The following SLC35F4 variants were observed in gnomAD, a reference collection of about 807,000 sequenced individuals.
SLC35F4 encodes solute carrier family 35 member F4, also known as chromosome 14 open reading frame 36.
In SLC35F4, 24 loss-of-function variants were observed where a neutral mutation model predicts 44.2. The ratio of observed to expected loss-of-function variants is 0.54; its 90% CI spans 0.39 to 0.76. The LOEUF is 0.76. Among genes scored for constraint, SLC35F4 ranks in the 30% least tolerant of loss-of-function variants. SLC35F4 has a pLI of 0.00. For synonymous variants in SLC35F4, 238 were observed against 223.6 expected (o/e 1.06, Z -0.57); for missense variants, 562 against 586.1 (o/e 0.96, Z 0.42).
intron 1 of SLC35F4, among the ~76,000 whole-genome samples, chr14:57,797,160 A>G (rs1217789845): frequency 6.6e-6 from 1 of 152,194 alleles, no homozygotes; most frequent in Non-Finnish European, 1.5e-5. Flanking sequence ...TAACCTTGAC[A>G]TTCAGAAGAT....
At chr14:57,918,143 T>C (rs1299852537) in intron 1 of SLC35F4, among the ~76,000 whole-genome samples, 1 of 152,224 alleles carries the variant, frequency 6.6e-6, no homozygotes, top group African/African-American at 2.4e-5. Context: ...GCTTTCCCTC[T>C]GCCTTTGCCA....
intron 1 of SLC35F4, among the ~76,000 whole-genome samples, chr14:57,957,555 C>T (rs1180881074): frequency 1.3e-5 from 2 of 152,118 alleles, no homozygotes; most frequent in Non-Finnish European, 2.9e-5. Flanking sequence ...CATTTGTAGA[C>T]ATGTAAGGAG....
intron 1 of SLC35F4, among the ~76,000 whole-genome samples, chr14:57,619,343 G>A (rs753407164): frequency 1.3e-5 from 2 of 152,158 alleles, no homozygotes; most frequent in Non-Finnish European, 2.9e-5. Context: ...CTAGAGAAAG[G>A]AACAGGCAGC....
At chr14:57,893,053 A>T (rs538331603) in intron 1 of SLC35F4, among the ~76,000 whole-genome samples, 2 of 152,302 alleles carry the variant, frequency 1.3e-5, no homozygotes, top group Non-Finnish European at 2.9e-5. Flanking sequence ...AAAAATAGTT[A>T]TGGCTCTAAA....
chr14:57,791,372 T>C (rs2077914702), intron 1 of SLC35F4, among the ~76,000 whole-genome samples: 1 of 152,108 alleles, frequency 6.6e-6, no homozygotes, highest in South Asian at 2.1e-4. Context: ...AACAAACATG[T>C]GAAAGAAAAC....
chr14:57,910,531 T>C (rs1889197483), intron 1 of SLC35F4, among the ~76,000 whole-genome samples: 1 of 152,100 alleles, frequency 6.6e-6, no homozygotes, highest in African/African-American at 2.4e-5. Flanking sequence ...TGTCCTGTTG[T>C]TCTAGAATCT....
At chr14:57,943,654 G>A (rs1889955556) in intron 1 of SLC35F4, among the ~76,000 whole-genome samples, 1 of 152,198 alleles carries the variant, frequency 6.6e-6, no homozygotes, top group Non-Finnish European at 1.5e-5. Flanking sequence ...ACAACCCAGA[G>A]GTAGACTTCC....
At chr14:57,644,321 G>C (rs1208609938) in intron 1 of SLC35F4, among the ~76,000 whole-genome samples, 1 of 152,178 alleles carries the variant, frequency 6.6e-6, no homozygotes, top group Non-Finnish European at 1.5e-5. Context: ...TAACTAGTGT[G>C]AGATGGTATC....
intron 1 of SLC35F4, among the ~76,000 whole-genome samples, chr14:57,678,704 A>AG (rs2074787428): frequency 6.6e-6 from 1 of 151,928 alleles, no homozygotes; most frequent in Admixed American, 6.6e-5. Flanking sequence ...AGAAAAAAAA[A>AG]AAGAAAGCAG....
At chr14:57,685,354 A>C (rs906405012) in intron 1 of SLC35F4, among the ~76,000 whole-genome samples, 1 of 152,062 alleles carries the variant, frequency 6.6e-6, no homozygotes, top group Non-Finnish European at 1.5e-5. Flanking sequence ...GTAGACTCCA[A>C]ATTTATTTAG....
chr14:57,799,166 G>A (rs1031519293), intron 1 of SLC35F4, among the ~76,000 whole-genome samples: 1 of 152,174 alleles, frequency 6.6e-6, no homozygotes, highest in Non-Finnish European at 1.5e-5. Flanking sequence ...ACAAAGAAAA[G>A]CAGGGACGGA....
At chr14:57,695,779 C>A (rs2075366248) in intron 1 of SLC35F4, among the ~76,000 whole-genome samples, 1 of 152,118 alleles carries the variant, frequency 6.6e-6, no homozygotes, top group Admixed American at 6.5e-5. Flanking sequence ...CCTAAATATC[C>A]AACAATGATA....
chr14:57,689,987 C>T (rs1316585431), intron 1 of SLC35F4, among the ~76,000 whole-genome samples: 4 of 152,074 alleles, frequency 2.6e-5, no homozygotes, highest in African/African-American at 7.2e-5. Flanking sequence ...TTTTCTTTTC[C>T]TCGAACAAAT....
intron 1 of SLC35F4, among the ~76,000 whole-genome samples, chr14:57,741,974 C>T (rs556005442): frequency 5.1e-4 from 78 of 152,168 alleles, no homozygotes; most frequent in African/African-American, 1.8e-3. Context: ...GGCCAAACTA[C>T]GCTTCATAAG....
chr14:57,582,342 C>T (rs758271744), intron 3 of SLC35F4, among the ~76,000 whole-genome samples: 4 of 152,192 alleles, frequency 2.6e-5, no homozygotes, highest in East Asian at 1.9e-4. Flanking sequence ...ACTACAGGCA[C>T]GCACCACCAT....
chr14:57,835,771 A>G (rs776794684), intron 1 of SLC35F4, among the ~76,000 whole-genome samples: 3 of 152,210 alleles, frequency 2.0e-5, no homozygotes, highest in Non-Finnish European at 4.4e-5. Context: ...CAGCCTCGCT[A>G]GTCTGTCAAA....
At chr14:57,927,917 CTT>C (rs1216897452) in intron 1 of SLC35F4, among the ~76,000 whole-genome samples, 1 of 152,100 alleles carries the variant, frequency 6.6e-6, no homozygotes, top group East Asian at 1.9e-4. Flanking sequence ...TTTCAGAACT[CTT>C]TGTCTGGATC....
intron 1 of SLC35F4, chr14:57,602,397 C>T (rs567551201): frequency 3.2e-4 from 48 of 152,156 alleles, no homozygotes; most frequent in African/African-American, 1.1e-3. Context: ...AGGATACTCA[C>T]TACAGAGAGA....
intron 1 of SLC35F4, among the ~76,000 whole-genome samples, chr14:57,768,295 C>T (rs1414337319): frequency 6.6e-6 from 1 of 152,164 alleles, no homozygotes; most frequent in Non-Finnish European, 1.5e-5. Context: ...AACGTATTTG[C>T]CTTCCTAACT....
Sources: allele counts gnomAD v4.1 joint callset (sites outside exome capture counted in the v4.1 genomes callset), GRCh38; gene constraint gnomAD v4.1.1; transcripts MANE v1.5; gene names NCBI Gene and HGNC (gene_info 2026-07-23, HGNC 2026-07-21).